The following TBC1D15 variants were observed in gnomAD, a reference collection of about 807,000 sequenced individuals.
TBC1D15 encodes the protein GAP for RAB7.
A neutral mutation model predicts 95.4 loss-of-function variants in TBC1D15; 39 were observed. The observed-to-expected ratio is 0.41, with a 90% CI of 0.32 to 0.53. The LOEUF is 0.53. Among genes scored for constraint, TBC1D15 ranks in the 20% least tolerant of loss-of-function variants. TBC1D15 has a pLI of 0.29. For synonymous variants in TBC1D15, 258 were observed against 261.3 expected (o/e 0.99, Z 0.12); for missense variants, 733 against 794.3 (o/e 0.92, Z 0.93).
rs947836144 is a variant in TBC1D15 at position 71,911,193 on chromosome 12, A to G, written c.1301-2633A>G. On this transcript the variant is annotated intron_variant, in intron 11 of 16. Transcript: ENST00000485960. ...GTTGGTGGGACTGTAAACTAGTTCAACCATTGTGGAAGTCAGTGTGGCGAT... is the reference window on the plus strand; with the variant it reads ...GTTGGTGGGACTGTAAACTAGTTCAGCCATTGTGGAAGTCAGTGTGGCGAT... 5.3e-5 allele frequency among the ~76,000 whole-genome samples: 8 copies of G among 152,294 alleles called. No individual in the cohort carries two copies. In the Middle Eastern group the frequency reaches 0.014, roughly 259 times the overall value.
rs1023978974 is a variant in TBC1D15, at chr12:71,843,014, C to T, written c.30+3203C>T. ...TCTATTGAAAATTACTGGCCGGGCA[C>T]GGTGGCTCATGCTTGTAATCATCAC... On this transcript the variant is annotated intron_variant, in intron 1 of 16. Transcript: ENST00000485960. Among the ~76,000 whole-genome samples the T allele has an allele frequency of 3.5e-4, 53 of 151,280 alleles. 1 individual carries two copies. Among genetic ancestry groups the T allele is most frequent in the African/African-American group, 9.7e-4 (40 of 41,268 alleles).
At chr12:71,892,274 G>C (rs573230706) in intron 5 of TBC1D15, among the ~76,000 whole-genome samples, 2 of 152,066 alleles carry the variant, frequency 1.3e-5, no homozygotes, top group South Asian at 4.1e-4. Flanking sequence ...ATAAGATCCT[G>C]TTTTGGATTT....
At chr12:71,901,844 T>C (rs991409462) in intron 10 of TBC1D15, among the ~76,000 whole-genome samples, 1 of 152,078 alleles carries the variant, frequency 6.6e-6, no homozygotes, top group Non-Finnish European at 1.5e-5. Context: ...GAAAACCCCA[T>C]AGTCTCTGCC....
At chr12:71,897,664 A>AT (rs1233949775) in intron 9 of TBC1D15, among the ~76,000 whole-genome samples, 183 bp from the exon 10 acceptor site, 2 of 151,660 alleles carry the variant, frequency 1.3e-5, no homozygotes, top group Non-Finnish European at 3.0e-5. Context: ...TTTATCGGTT[A>AT]TTTTTTTCTT....
At chr12:71,841,596 A>G (rs1885025020) in intron 1 of TBC1D15, among the ~76,000 whole-genome samples, 1 of 152,140 alleles carries the variant, frequency 6.6e-6, no homozygotes, top group Admixed American at 6.5e-5. Flanking sequence ...ACACTCTCTA[A>G]TCAATAACCA....
chr12:71,914,873 C>T (rs574375419), intron 12 of TBC1D15, among the ~76,000 whole-genome samples: 1 of 151,808 alleles, frequency 6.6e-6, no homozygotes, highest in African/African-American at 2.4e-5. Context: ...TTTTGCTTGC[C>T]TATTTTTCTT....
chr12:71,898,562 G>C (rs1355618216), intron 10 of TBC1D15, among the ~76,000 whole-genome samples: 1 of 152,120 alleles, frequency 6.6e-6, no homozygotes, highest in East Asian at 1.9e-4. Flanking sequence ...ATTTACAAAT[G>C]AGAAACTGAA....
At chr12:71,872,214 T>C in intron 2 of TBC1D15, 46 bp downstream of exon 2, 2 of 1,127,122 alleles carry the variant, frequency 1.8e-6, no homozygotes, top group South Asian at 3.2e-5. Flanking sequence ...TTTATGGTAG[T>C]GATTCATCTT....
chr12:71,870,143 T>A (rs1392849872), intron 1 of TBC1D15, among the ~76,000 whole-genome samples: 2 of 152,208 alleles, frequency 1.3e-5, no homozygotes, highest in African/African-American at 2.4e-5. Flanking sequence ...TGCCTCATCC[T>A]ATAACTCCAG....
intron 3 of TBC1D15, among the ~76,000 whole-genome samples, 198 bp from the exon 4 acceptor site, chr12:71,880,271 G>A (rs1250152353): frequency 1.3e-5 from 2 of 149,608 alleles, no homozygotes; most frequent in African/African-American, 4.9e-5. Context: ...CTGCAGGGGA[G>A]TCTAGTCAAG....
intron 5 of TBC1D15, among the ~76,000 whole-genome samples, chr12:71,890,234 C>T (rs143519949): frequency 5.3e-4 from 81 of 152,124 alleles, no homozygotes; most frequent in African/African-American, 1.6e-3. Context: ...GGTGTCAGCC[C>T]GAGGGGTCTC....
intron 1 of TBC1D15, among the ~76,000 whole-genome samples, chr12:71,868,260 T>C (rs892769896): frequency 2.1e-4 from 31 of 147,976 alleles, no homozygotes; most frequent in East Asian, 9.8e-4. Flanking sequence ...TTTTTTTTTT[T>C]CTCGAGACGG....
At chr12:71,864,627 C>A (rs1480368978) in intron 1 of TBC1D15, among the ~76,000 whole-genome samples, 1 of 152,064 alleles carries the variant, frequency 6.6e-6, no homozygotes, top group East Asian at 1.9e-4. Flanking sequence ...CTGCCTCAGC[C>A]TCCCGGGTAG....
chr12:71,840,749 C>T (rs1884767505), intron 1 of TBC1D15, among the ~76,000 whole-genome samples: 1 of 152,186 alleles, frequency 6.6e-6, no homozygotes, highest in African/African-American at 2.4e-5. Context: ...CTGTTGCTTT[C>T]CCTACCCCAT....
At chr12:71,879,246 C>T (rs559448304) in intron 3 of TBC1D15, among the ~76,000 whole-genome samples, 1 of 152,084 alleles carries the variant, frequency 6.6e-6, no homozygotes, top group South Asian at 2.1e-4. Context: ...TATTCTCCTG[C>T]CTCAGCCTCT....
chr12:71,917,163 C>T (rs2139062351), intron 12 of TBC1D15, among the ~76,000 whole-genome samples: 1 of 152,234 alleles, frequency 6.6e-6, no homozygotes, highest in South Asian at 2.1e-4. Flanking sequence ...TGGAGTATCA[C>T]ACATCATACA....
Position 71,924,051 on chromosome 12 carries a change from TTTA to T in TBC1D15, c.*852_*854del, listed in dbSNP as rs1406420598. On this transcript the variant is annotated 3_prime_UTR_variant, in exon 17 of 17. Coordinates refer to ENST00000485960, the MANE Select transcript of TBC1D15 (RefSeq NM_001146213.3). ...TTGTAACCTCACTTTACTAATAATG[TTTA>T]TTATCTTTCCTAATAATGCATTAAC... 1 of 152,622 alleles carries T rather than the reference TTTA, an allele frequency of 6.6e-6. No homozygotes were observed. The highest frequency in any genetic ancestry group is 1.5e-5 in the Non-Finnish European group (1 of 68,014). 9.5% of individuals were successfully genotyped at this position (152,622 alleles called of 1,614,324 possible).
intron 16 of TBC1D15, among the ~76,000 whole-genome samples, chr12:71,922,058 T>C (rs979454075): frequency 2.6e-5 from 4 of 152,118 alleles, no homozygotes; most frequent in Admixed American, 6.5e-5. Flanking sequence ...GGATTACCAG[T>C]GCATGCACAC....
intron 5 of TBC1D15, among the ~76,000 whole-genome samples, chr12:71,892,019 G>C (rs1262023864): frequency 1.3e-5 from 2 of 152,074 alleles, no homozygotes; most frequent in African/African-American, 4.8e-5. Flanking sequence ...TTCTTTATTA[G>C]CTACTTTTCT....
Sources: gnomAD v4.1 joint callset for allele counts (sites outside exome capture counted in the v4.1 genomes callset) on GRCh38, gnomAD v4.1.1 for gene constraint, MANE v1.5 for transcripts, NCBI Gene and HGNC (gene_info 2026-07-23, HGNC 2026-07-21) for gene names.